PRDM16: variants seen among roughly 807,000 people sequenced by gnomAD.
PRDM16 encodes the protein PR/SET domain 16, also known as histone-lysine N-methyltransferase PRDM16.
A neutral mutation model predicts 110.6 loss-of-function variants in PRDM16; 23 were observed. The ratio of observed to expected loss-of-function variants is 0.21; its 90% CI spans 0.15 to 0.29. The LOEUF (loss-of-function observed/expected upper bound fraction) is 0.29, where lower values mean the gene tolerates loss of function less well. PRDM16 is among the 10% of genes least tolerant of loss of function. The pLI, the probability that PRDM16 is intolerant of heterozygous loss-of-function variation, is 1.00. For missense variants in PRDM16, 1,615 were observed against 1,794.3 expected (o/e 0.90, Z 1.81); for synonymous variants, 799 against 781.8 (o/e 1.02, Z -0.37).
At chr1:3,281,413 A>G (rs1640709407) in intron 3 of PRDM16, among the ~76,000 whole-genome samples, 1 of 152,228 alleles carries the variant, frequency 6.6e-6, no homozygotes, top group Non-Finnish European at 1.5e-5. Flanking sequence ...CGAAATAGGG[A>G]TCATTCCTGT....
rs75730044 is a variant in PRDM16, at chr1:3,141,847, C to T, written c.38-44278C>T. Among the ~76,000 whole-genome samples, 1,262 of 152,356 alleles carry T rather than the reference C, an allele frequency of 8.3e-3. 13 individuals carry two copies. The highest frequency in any genetic ancestry group is 0.029 in the African/African-American group (1,197 of 41,580). On this transcript the variant is annotated intron_variant, in intron 1 of 16. Transcript: ENST00000270722. ...AGTTGGGGTGGGGGCGGCCTTCAGTCGGTCAGATGGACCCCAAGAGAGAAT... is the reference window on the plus strand; with the variant it reads ...AGTTGGGGTGGGGGCGGCCTTCAGTTGGTCAGATGGACCCCAAGAGAGAAT...
chr1:3,121,189 G>A (rs564059652), intron 1 of PRDM16, among the ~76,000 whole-genome samples: 19 of 152,130 alleles, frequency 1.2e-4, no homozygotes, highest in East Asian at 9.7e-4. Context: ...CCTGGCCCCC[G>A]AGCTGCGTAA....
rs992812810 is a variant in PRDM16, at chr1:3,201,329, C to T, written c.387+14855C>T. On this transcript the variant is annotated intron_variant, in intron 2 of 16. Coordinates refer to ENST00000270722, the MANE Select transcript of PRDM16 (RefSeq NM_022114.4). The surrounding 1 kb of genome is among the most constrained non-coding windows in gnomAD (Gnocchi z 4.1). Reference sequence around the variant, plus strand: ...ACTTCAATTGCACTGACTTGAAGCTCGCACAGAGATGAACAAGATGCAGCC... The same window carrying T: ...ACTTCAATTGCACTGACTTGAAGCTTGCACAGAGATGAACAAGATGCAGCC... 2.6e-5 allele frequency among the ~76,000 whole-genome samples: 4 copies of T among 152,168 alleles called. No homozygotes were observed. Among genetic ancestry groups the T allele is most frequent in the African/African-American group, 7.2e-5 (3 of 41,440 alleles).
chr1:3,288,661 C>G (rs1195557258), intron 3 of PRDM16, among the ~76,000 whole-genome samples: 2 of 152,178 alleles, frequency 1.3e-5, no homozygotes, highest in East Asian at 3.9e-4. Flanking sequence ...ACCCCAGGGG[C>G]TCTAAAGATG....
intron 1 of PRDM16, among the ~76,000 whole-genome samples, chr1:3,076,473 G>C (rs919144939): frequency 6.6e-6 from 1 of 152,230 alleles, no homozygotes; most frequent in Non-Finnish European, 1.5e-5. Context: ...GGTCCCCTGC[G>C]TGGAGTGGCT....
intron 1 of PRDM16, among the ~76,000 whole-genome samples, chr1:3,170,289 G>C (rs71503050): frequency 0.062 from 9,473 of 152,250 alleles, 316 homozygotes; most frequent in Admixed American, 0.077. Flanking sequence ...GAGATCCCCC[G>C]CTCCAGGCCT....
At chr1:3,226,574 G>A (rs979181593) in intron 2 of PRDM16, among the ~76,000 whole-genome samples, 5 of 152,180 alleles carry the variant, frequency 3.3e-5, no homozygotes, top group African/African-American at 1.2e-4. Context: ...CTCTTGAGTT[G>A]GATTGTGAGA....
chr1:3,342,540 A>T (rs1642291696), intron 3 of PRDM16, among the ~76,000 whole-genome samples: 1 of 152,232 alleles, frequency 6.6e-6, no homozygotes, highest in African/African-American at 2.4e-5. Flanking sequence ...TATATACGGT[A>T]GCCTATACGT....
At chr1:3,098,371 G>T (rs1177480200) in intron 1 of PRDM16, among the ~76,000 whole-genome samples, 3 of 152,204 alleles carry the variant, frequency 2.0e-5, no homozygotes, top group Non-Finnish European at 2.9e-5. Flanking sequence ...CTGGGGGGTT[G>T]CGGAGTGGCG....
chr1:3,404,512 A>T (rs1031513843), intron 6 of PRDM16, among the ~76,000 whole-genome samples: 1 of 152,204 alleles, frequency 6.6e-6, no homozygotes, highest in South Asian at 2.1e-4. Flanking sequence ...GGATGGAACC[A>T]TCCAGGTGCC....
chr1:3,257,177 G>A (rs1291456212), intron 3 of PRDM16, among the ~76,000 whole-genome samples: 1 of 152,228 alleles, frequency 6.6e-6, no homozygotes, highest in African/African-American at 2.4e-5. Context: ...TCTTCGAGTT[G>A]GTTGGATTCT....
intron 3 of PRDM16, among the ~76,000 whole-genome samples, chr1:3,296,793 A>G (rs1641098858): frequency 6.6e-6 from 1 of 152,224 alleles, no homozygotes; most frequent in Non-Finnish European, 1.5e-5. Context: ...TGTTAAGTGC[A>G]GATGTTCCTG....
chr1:3,222,463 C>T (rs1486908972), intron 2 of PRDM16, among the ~76,000 whole-genome samples: 2 of 152,364 alleles, frequency 1.3e-5, no homozygotes, highest in South Asian at 2.1e-4. Flanking sequence ...CCAACTACCC[C>T]GCCTTTCTTC....
At chr1:3,345,860 T>G (rs1642352458) in intron 3 of PRDM16, among the ~76,000 whole-genome samples, 1 of 149,986 alleles carries the variant, frequency 6.7e-6, no homozygotes, top group Non-Finnish European at 1.5e-5. Context: ...CAGCCGAGGG[T>G]TTTTCTTGGC....
rs1476290576 is a variant in PRDM16 at position 3,425,578 on chromosome 1, C to T, written c.2940-3C>T. 2.7e-5 allele frequency: 43 copies of T among 1,613,586 alleles called. No homozygotes were observed. The highest frequency in any genetic ancestry group is 3.6e-5 in the Non-Finnish European group (42 of 1,179,796). The stretch of plus-strand genomic sequence containing the variant: ...CACTGAGGAGCGCGTGTGCCCCTTC[C>T]AGGTGTAAGTACTGCGACCGCTCCT... On this transcript the variant is annotated splice_region_variant and splice_polypyrimidine_tract_variant and intron_variant, in intron 12 of 16. Transcript: ENST00000270722. This position sits in a 1 kb window ranked among gnomAD's most constrained non-coding sequence, Gnocchi z 6.9.
At chr1:3,205,106 G>C (rs1247594107) in intron 2 of PRDM16, among the ~76,000 whole-genome samples, 1 of 148,718 alleles carries the variant, frequency 6.7e-6, no homozygotes, top group Non-Finnish European at 1.5e-5. Context: ...GGGTGGGCAA[G>C]TTCACTTTTG....
chr1:3,203,566 C>T (rs7521730), intron 2 of PRDM16, among the ~76,000 whole-genome samples: 26,169 of 151,410 alleles, frequency 0.17, 3,921 homozygotes, highest in African/African-American at 0.41. Context: ...GGGTGGGGTC[C>T]GTGCGTTTCT....
Position 3,081,181 on chromosome 1 carries a change from T to C in PRDM16, c.37+11885T>C, listed in dbSNP as rs1357169942. The stretch of plus-strand genomic sequence containing the variant: ...CCTTCCCGAGGTTAGATAAAGCCGC[T>C]AAAAGCTGCTGTTTGTTATTGAATC... On this transcript the variant is annotated intron_variant, in intron 1 of 16. Coordinates refer to ENST00000270722, the MANE Select transcript of PRDM16 (RefSeq NM_022114.4). This position sits in a 1 kb window ranked among gnomAD's most constrained non-coding sequence, Gnocchi z 4.6. Among the ~76,000 whole-genome samples, 1 of 152,220 alleles carries C rather than the reference T, an allele frequency of 6.6e-6. No individual in the cohort carries two copies. The highest frequency in any genetic ancestry group is 2.4e-5 in the African/African-American group (1 of 41,450).
At chr1:3,299,257 G>A (rs1000063319) in intron 3 of PRDM16, among the ~76,000 whole-genome samples, 6 of 151,348 alleles carry the variant, frequency 4.0e-5, no homozygotes, top group East Asian at 1.9e-4. Flanking sequence ...TCAGATCCCA[G>A]TCGTGGTGGC....
Sources: gnomAD v4.1 joint callset for allele counts (sites outside exome capture counted in the v4.1 genomes callset) on GRCh38, gnomAD v4.1.1 for gene constraint, Gnocchi (gnomAD v3.1) non-coding constraint, MANE v1.5 for transcripts, NCBI Gene and HGNC (gene_info 2026-07-23, HGNC 2026-07-21) for gene names.